The following FNDC1 variants were observed in gnomAD, a reference collection of about 807,000 sequenced individuals.
FNDC1 encodes the protein fibronectin type III domain containing 1.
A neutral mutation model predicts 168.0 loss-of-function variants in FNDC1; 96 were observed. That is an observed-to-expected ratio of 0.57 (90% CI 0.48 to 0.68). The LOEUF (loss-of-function observed/expected upper bound fraction) is 0.68. Ranked by LOEUF, FNDC1 falls within the 30% of genes least tolerant of loss-of-function variation. The pLI is 0.00. For missense variants in FNDC1, 2,587 were observed against 2,482.1 expected, an observed-to-expected ratio of 1.04 and a Z score of -0.90; for synonymous variants, 1,099 against 1,025.9, an observed-to-expected ratio of 1.07 and a Z score of -1.36.
intron 19 of FNDC1, among the ~76,000 whole-genome samples, chr6:159,263,250 A>T (rs770343224): frequency 4.6e-5 from 7 of 152,186 alleles, no homozygotes; most frequent in Non-Finnish European, 1.0e-4. Flanking sequence ...TGGATAGCAG[A>T]GGACATCAGA....
chr6:159,185,465 C>T (rs755209292), intron 1 of FNDC1, among the ~76,000 whole-genome samples: 1 of 152,166 alleles, frequency 6.6e-6, no homozygotes, highest in South Asian at 2.1e-4. Context: ...AGTGGCTAAA[C>T]AAGTAAGAGA....
chr6:159,244,765 G>A (rs1340761851), intron 14 of FNDC1, among the ~76,000 whole-genome samples: 4 of 152,134 alleles, frequency 2.6e-5, no homozygotes, highest in African/African-American at 7.2e-5. Flanking sequence ...GTAGTCTTTG[G>A]AGCCAGAGTA....
chr6:159,270,623 T>C (rs1777725076), intron 22 of FNDC1, among the ~76,000 whole-genome samples: 2 of 152,304 alleles, frequency 1.3e-5, no homozygotes, highest in South Asian at 4.1e-4. Flanking sequence ...TGAGAGCAGT[T>C]ATTGAGTTTC....
rs66493005 is a variant in FNDC1 at position 159,230,954 on chromosome 6, G to GT, written c.1370-920dup. On this transcript the variant is annotated intron_variant, in intron 10 of 22. Coordinates refer to ENST00000297267, the MANE Select transcript of FNDC1 (RefSeq NM_032532.3). Reference sequence around the variant, plus strand: ...AATATAATGTTTGCCTATCCCAGGAGTTTTTTTTATTTTAAGCCTTATTTT... The same window carrying GT: ...AATATAATGTTTGCCTATCCCAGGAGTTTTTTTTTATTTTAAGCCTTATTTT... Among the ~76,000 whole-genome samples, 606 of 151,766 alleles carry GT rather than the reference G, an allele frequency of 4.0e-3. 6 individuals carry two copies. Among genetic ancestry groups the GT allele is most frequent in the African/African-American group, 0.014 (573 of 41,306 alleles).
rs1281839719 is a variant in FNDC1, at chr6:159,200,058, GT to G, written c.370del (p.Tyr124ThrfsTer82). On this transcript the variant is annotated frameshift_variant, in exon 3 of 23. Coordinates refer to ENST00000297267, the MANE Select transcript of FNDC1 (RefSeq NM_032532.3). LOFTEE classifies it high-confidence loss of function. ...AAACCACAGTGGAGTGAGCCGTCCT[GT>G]TTACAGAGCTGAAAGCCCACCTGGT... Reference protein sequence around the residue: ...AENHSGVSRPVYRAESPPGGE... With the variant: ...AENHSGVSRPXYRAESPPGGE... 3 of 1,601,824 alleles carry G rather than the reference GT, an allele frequency of 1.9e-6. No individual in the cohort carries two copies. The Admixed American group carries it at 5.1e-5, about 27-fold the overall frequency.
At chr6:159,176,249 G>A (rs58462664) in intron 1 of FNDC1, among the ~76,000 whole-genome samples, 1,557 of 152,276 alleles carry the variant, frequency 0.01, 30 homozygotes, top group African/African-American at 0.035. Context: ...CTTTGTGTGA[G>A]TCTCCATTTG....
intron 5 of FNDC1, among the ~76,000 whole-genome samples, chr6:159,215,784 G>A (rs1422749105): frequency 6.6e-6 from 1 of 152,108 alleles, no homozygotes; most frequent in African/African-American, 2.4e-5. Context: ...GATGTAGGCT[G>A]GGACGCTAGG....
At chr6:159,244,735 T>TAC (rs1783503118) in intron 14 of FNDC1, among the ~76,000 whole-genome samples, 6 of 152,200 alleles carry the variant, frequency 3.9e-5, no homozygotes, top group Admixed American at 3.9e-4. Flanking sequence ...GTGGGGGCAG[T>TAC]TTTATGTAGT....
rs775884412 is a variant in FNDC1 at position 159,232,126 on chromosome 6, A to G, written c.1614A>G (p.Thr538=). ...CAGAGGAGCTGGATCTTCAGTCGAC[A>G]GAAATCACTGGGGAGGAGGAGCTGG... ...KKAEELDLQS[T]EITGEEELGS... The change falls in exon 11 of 23, where the codon ACA becomes ACG. Residue 538 remains threonine (T), a synonymous_variant. Coordinates refer to ENST00000297267, the MANE Select transcript of FNDC1 (RefSeq NM_032532.3). This position sits in a 1 kb window ranked among gnomAD's most constrained non-coding sequence, Gnocchi z 4.9. 2.5e-6 allele frequency: 4 copies of G among 1,613,840 alleles called. No individual in the cohort carries two copies. The highest frequency in any genetic ancestry group is 1.1e-5 in the South Asian group (1 of 91,076).
Position 159,232,345 on chromosome 6 carries a change from G to A in FNDC1, c.1833G>A (p.Gly611=). 1.2e-6 allele frequency: 2 copies of A among 1,613,526 alleles called. No homozygotes were observed. Among genetic ancestry groups the A allele is most frequent in the Non-Finnish European group, 1.7e-6 (2 of 1,179,724 alleles). ...GFSLATQPRP[G]APPSASASPA... Reference sequence around the variant, plus strand: ...CCCTGGCCACGCAGCCCCGCCCAGGGGCGCCCCCCTCGGCTTCGGCCTCTC... The same window carrying A: ...CCCTGGCCACGCAGCCCCGCCCAGGAGCGCCCCCCTCGGCTTCGGCCTCTC... Residue 611 remains glycine (G), a synonymous_variant, in exon 11 of 23, where the codon GGG becomes GGA. Coordinates refer to ENST00000297267, the MANE Select transcript of FNDC1 (RefSeq NM_032532.3). This position sits in a 1 kb window ranked among gnomAD's most constrained non-coding sequence, Gnocchi z 4.9.
intron 1 of FNDC1, among the ~76,000 whole-genome samples, chr6:159,179,390 C>T (rs912851112): frequency 2.6e-5 from 4 of 152,162 alleles, no homozygotes; most frequent in East Asian, 3.8e-4. Context: ...ACCCAGGAGG[C>T]GGAGGCTGCA....
chr6:159,232,512 G>T lies in FNDC1; in HGVS notation c.2000G>T (p.Arg667Leu), dbSNP rs139265083. 175 of 1,611,904 alleles carry T rather than the reference G, an allele frequency of 1.1e-4. No individual in the cohort carries two copies. The highest frequency in any genetic ancestry group is 1.4e-4 in the Non-Finnish European group (166 of 1,179,230). ...LHPKGAFAQP[R>L]PALSPSRQSP... ...CCCAAGGGCGCCTTCGCCCAGCCCC[G>T]GCCAGCCCTGTCCCCCAGCCGCCAG... The change falls in exon 11 of 23, where the codon CGG becomes CTG. Residue 667 changes from arginine (R) to leucine (L), a missense_variant. Arg to Leu is a moderately radical substitution (Grantham distance 102, BLOSUM62 -2). Transcript: ENST00000297267. This position sits in a 1 kb window ranked among gnomAD's most constrained non-coding sequence, Gnocchi z 4.9.
intron 14 of FNDC1, among the ~76,000 whole-genome samples, chr6:159,244,888 A>G (rs981835099): frequency 1.3e-5 from 2 of 152,172 alleles, no homozygotes; most frequent in Non-Finnish European, 2.9e-5. Flanking sequence ...CCGTTTTCAT[A>G]CTGCTATAAA....
intron 1 of FNDC1, among the ~76,000 whole-genome samples, chr6:159,186,699 C>T (rs1161009743): frequency 6.6e-6 from 1 of 152,172 alleles, no homozygotes; most frequent in Non-Finnish European, 1.5e-5. Context: ...TTGAAACTCA[C>T]CAGAGGTGGA....
At chr6:159,171,953 G>T (rs541215921) in intron 1 of FNDC1, among the ~76,000 whole-genome samples, 2 of 152,236 alleles carry the variant, frequency 1.3e-5, no homozygotes, top group African/African-American at 4.8e-5. Context: ...TGCACTGAGG[G>T]TGCAAAAGCT....
Position 159,239,472 on chromosome 6 carries a change from G to T in FNDC1, c.4181-45G>T. On this transcript the variant is annotated intron_variant, in intron 13 of 22. Coordinates refer to ENST00000297267, the MANE Select transcript of FNDC1 (RefSeq NM_032532.3). Reference sequence around the variant, plus strand: ...TATTGCTTGCTTTTTATTTTCTCTGGATTGCTTCACCTTGTTGCATAGCTA... The same window carrying T: ...TATTGCTTGCTTTTTATTTTCTCTGTATTGCTTCACCTTGTTGCATAGCTA... The T allele has an allele frequency of 1.3e-6, 2 of 1,485,670 alleles. 1 individual carries two copies. Among genetic ancestry groups the T allele is most frequent in the South Asian group, 2.7e-5 (2 of 74,184 alleles). The allele number at this position is 1,485,670 out of a possible 1,614,324, so 92.0% of individuals were successfully genotyped here.
intron 1 of FNDC1, among the ~76,000 whole-genome samples, chr6:159,184,553 T>G (rs1781952679): frequency 6.6e-6 from 1 of 152,186 alleles, no homozygotes; most frequent in Non-Finnish European, 1.5e-5. Flanking sequence ...TGGTCATGTC[T>G]GTCTCATTCA....
At chr6:159,265,960 AAAC>A in intron 20 of FNDC1, 121 bp from the exon 21 acceptor site, 1 of 1,012,706 alleles carries the variant, frequency 9.9e-7, no homozygotes, top group Non-Finnish European at 1.4e-6. Context: ...ACAAACAAAC[AAAC>A]AAACAAAAAG....
chr6:159,232,984 C>A lies in FNDC1; in HGVS notation c.2472C>A (p.Pro824=). The change falls in exon 11 of 23, where the codon CCC becomes CCA. Residue 824 remains proline (P), a synonymous_variant. Transcript: ENST00000297267. The surrounding 1 kb of genome is among the most constrained non-coding windows in gnomAD (Gnocchi z 4.9). ...SGHFHLLRHK[P]FAANGRSPSR... is the part of the protein sequence containing the mutation. ...ACTTCCATTTGCTCAGACACAAACC[C>A]TTTGCTGCCAACGGGAGGTCTCCAA... is the stretch of plus-strand genomic sequence containing the variant. 1 of 1,612,238 alleles carries A rather than the reference C, an allele frequency of 6.2e-7. No homozygotes were observed. The highest frequency in any genetic ancestry group is 8.5e-7 in the Non-Finnish European group (1 of 1,179,634).
Sources: gnomAD v4.1 joint callset for allele counts (sites outside exome capture counted in the v4.1 genomes callset) on GRCh38, gnomAD v4.1.1 for gene constraint, Gnocchi (gnomAD v3.1) non-coding constraint, MANE v1.5 for transcripts, NCBI Gene and HGNC (gene_info 2026-07-23, HGNC 2026-07-21) for gene names.